CSMD2: variants seen among roughly 807,000 people sequenced by gnomAD.
The protein encoded by CSMD2 is CUB and Sushi multiple domains 2.
A neutral mutation model predicts 398.5 loss-of-function variants in CSMD2; 130 were observed. That is an observed-to-expected ratio of 0.33 (90% CI 0.28 to 0.38). CSMD2 has a LOEUF of 0.38. Among genes scored for constraint, CSMD2 ranks in the 10% least tolerant of loss-of-function variants. The pLI, the probability that CSMD2 is intolerant of heterozygous loss-of-function variation, is 1.00. For synonymous variants in CSMD2, 1,828 were observed against 1,908.5 expected, an observed-to-expected ratio of 0.96 and a Z score of 1.10; for missense variants, 3,829 against 4,764.9, an observed-to-expected ratio of 0.80 and a Z score of 5.78.
At chr1:34,115,175 A>G (rs1571168475) in intron 1 of CSMD2, among the ~76,000 whole-genome samples, 1 of 152,168 alleles carries the variant, frequency 6.6e-6, no homozygotes, top group Non-Finnish European at 1.5e-5. Context: ...AAAGGAACAG[A>G]AAGCTTATTT....
intron 19 of CSMD2, among the ~76,000 whole-genome samples, chr1:33,719,864 G>C (rs569368762): frequency 1.1e-3 from 169 of 152,266 alleles, no homozygotes; most frequent in Non-Finnish European, 1.8e-3. Context: ...CACACAGTAG[G>C]GGTGCAACAG....
rs984567770 is a variant in CSMD2, at chr1:33,541,190, C to T, written c.9397G>A (p.Val3133Ile). The T allele has an allele frequency of 1.6e-5, 26 of 1,614,046 alleles. No individual in the cohort carries two copies. The highest frequency in any genetic ancestry group is 1.9e-5 in the Non-Finnish European group (22 of 1,180,016). The change falls in exon 59 of 71, where the codon GTA becomes ATA. Residue 3133 changes from valine (V) to isoleucine (I), a missense_variant. Val to Ile is a conservative substitution (Grantham distance 29). Coordinates refer to ENST00000373381, the MANE Select transcript of CSMD2 (RefSeq NM_001281956.2). Reference protein sequence around the residue: ...VPGYMMESHRVSVLSCTKDRT... With the variant: ...VPGYMMESHRISVLSCTKDRT... ...TCCTTGGTGCAGCTCAGCACAGATA[C>T]TCTATGTGACTCCATCATATAGCCA...
intron 25 of CSMD2, among the ~76,000 whole-genome samples, chr1:33,689,071 A>AGAAGGAGG (rs1391966935): frequency 2.1e-5 from 3 of 142,890 alleles, no homozygotes; most frequent in Admixed American, 7.1e-5. Context: ...GGAGTGGGAA[A>AGAAGGAGG]GAAGGAGGGA....
chr1:33,981,602 C>T (rs145733865), intron 3 of CSMD2, among the ~76,000 whole-genome samples: 26 of 152,342 alleles, frequency 1.7e-4, no homozygotes, highest in East Asian at 3.9e-4. Context: ...CCCTGGGCCA[C>T]GCACTGAGTA....
At chr1:33,760,764 A>G (rs577850331) in intron 13 of CSMD2, among the ~76,000 whole-genome samples, 2 of 152,162 alleles carry the variant, frequency 1.3e-5, no homozygotes, top group East Asian at 3.9e-4. Flanking sequence ...ATTTTGGCTG[A>G]ATTTGAAACA....
At chr1:34,118,765 C>T (rs1166105995) in intron 1 of CSMD2, among the ~76,000 whole-genome samples, 1 of 152,124 alleles carries the variant, frequency 6.6e-6, no homozygotes, top group Non-Finnish European at 1.5e-5. Context: ...ACATTGCTTA[C>T]AGATATTAAA....
chr1:34,018,682 T>C (rs991305495), intron 3 of CSMD2, among the ~76,000 whole-genome samples: 2 of 152,260 alleles, frequency 1.3e-5, no homozygotes. Flanking sequence ...GCTGACTCTA[T>C]TTCCTCTGGT....
chr1:33,842,915 T>C (rs1293835646), intron 6 of CSMD2, among the ~76,000 whole-genome samples: 1 of 152,186 alleles, frequency 6.6e-6, no homozygotes, highest in Non-Finnish European at 1.5e-5. Context: ...GTTTCATGCT[T>C]TCTTGCCTTT....
At chr1:33,720,218 G>T (rs190988000) in intron 19 of CSMD2, among the ~76,000 whole-genome samples, 1 of 152,162 alleles carries the variant, frequency 6.6e-6, no homozygotes, top group Non-Finnish European at 1.5e-5. Flanking sequence ...CTTATGTGCC[G>T]GGCATAGAGC....
At chr1:33,859,439 C>T (rs1360928364) in intron 5 of CSMD2, among the ~76,000 whole-genome samples, 1 of 152,224 alleles carries the variant, frequency 6.6e-6, no homozygotes, top group Admixed American at 6.5e-5. Context: ...CTCCTGCCTT[C>T]CTCTTACAAA....
chr1:33,984,264 C>T (rs925357847), intron 3 of CSMD2, among the ~76,000 whole-genome samples: 3 of 152,190 alleles, frequency 2.0e-5, no homozygotes, highest in African/African-American at 7.2e-5. Context: ...ACAAGCTCCT[C>T]AGTGATCCTG....
intron 3 of CSMD2, among the ~76,000 whole-genome samples, chr1:33,989,612 T>C (rs1478936516): frequency 4.6e-5 from 7 of 152,090 alleles, no homozygotes; most frequent in Non-Finnish European, 7.4e-5. Context: ...ATAAAGAAAT[T>C]ATGGTATATT....
At chr1:33,607,424 C>T (rs917185711) in intron 41 of CSMD2, among the ~76,000 whole-genome samples, 2 of 152,178 alleles carry the variant, frequency 1.3e-5, no homozygotes, top group African/African-American at 4.8e-5. Context: ...ACAAATGGCT[C>T]GTTCATTGAA....
intron 2 of CSMD2, among the ~76,000 whole-genome samples, chr1:34,086,465 C>T (rs949408413): frequency 6.6e-6 from 1 of 152,200 alleles, no homozygotes. Flanking sequence ...TTTATAGGGC[C>T]AAACTGAATC....
chr1:33,709,106 C>T lies in CSMD2; in HGVS notation c.3559G>A (p.Glu1187Lys), dbSNP rs972030736. Residue 1187 changes from glutamate to lysine, a missense_variant, in exon 22 of 71, where the codon GAA (glutamate) becomes AAA (lysine). By Grantham distance (56) the Glu-to-Lys change is moderately conservative. Around this residue, in one of 5 missense-constraint regions of CSMD2, gnomAD observed 2,001 missense variants for 2,567.1 expected, o/e 0.78. Coordinates refer to ENST00000373381, the MANE Select transcript of CSMD2 (RefSeq NM_001281956.2). ...AATTTTACCTTGAGGACATCTCCTTCGGAGAGTTCGAATGCCCTGGCTTTC... is the reference window on the plus strand; with the variant it reads ...AATTTTACCTTGAGGACATCTCCTTTGGAGAGTTCGAATGCCCTGGCTTTC... Reference protein sequence around the residue: ...QLKARAFELSEGDVLKVYDGN... With the variant: ...QLKARAFELSKGDVLKVYDGN... The T allele has an allele frequency of 1.4e-5, 22 of 1,613,280 alleles. No individual in the cohort carries two copies. Among genetic ancestry groups the T allele is most frequent in the East Asian group, 4.5e-5 (2 of 44,890 alleles).
intron 39 of CSMD2, among the ~76,000 whole-genome samples, chr1:33,616,245 G>GTT (rs747455900): frequency 6.8e-6 from 1 of 146,938 alleles, no homozygotes; most frequent in Admixed American, 6.8e-5. Flanking sequence ...CTTGTCTTTC[G>GTT]TTTTTTTTTT....
At chr1:33,968,691 G>T (rs80354745) in intron 3 of CSMD2, among the ~76,000 whole-genome samples, 1 of 152,236 alleles carries the variant, frequency 6.6e-6, no homozygotes, top group Non-Finnish European at 1.5e-5. Flanking sequence ...TGAAAATGCA[G>T]CCCCACCATC....
chr1:33,797,710 ACAC>A (rs1363354916), intron 10 of CSMD2, among the ~76,000 whole-genome samples: 1 of 152,098 alleles, frequency 6.6e-6, no homozygotes, highest in Non-Finnish European at 1.5e-5. Flanking sequence ...TGCATATAAA[ACAC>A]CACAAGGCAG....
chr1:34,119,011 C>T (rs1221723261), intron 1 of CSMD2, among the ~76,000 whole-genome samples: 2 of 152,216 alleles, frequency 1.3e-5, no homozygotes, highest in African/African-American at 4.8e-5. Context: ...AGGCCCCACA[C>T]TTCCTAATTT....
Sources: allele counts gnomAD v4.1 joint callset (sites outside exome capture counted in the v4.1 genomes callset), GRCh38; gene constraint gnomAD v4.1.1; regional missense constraint gnomAD v4.1.1; transcripts MANE v1.5; gene names NCBI Gene and HGNC (gene_info 2026-07-23, HGNC 2026-07-21).